Variants in OSBPL10 observed in about 807,000 individuals in gnomAD.
The protein encoded by OSBPL10 is oxysterol binding protein like 10.
OSBPL10 carries 49 observed loss-of-function variants against 81.7 expected under a neutral mutation model. That is an observed-to-expected ratio of 0.60 (90% CI 0.48 to 0.76). OSBPL10 has a LOEUF of 0.76. Ranked by LOEUF, OSBPL10 falls within the 30% of genes least tolerant of loss-of-function variation. The probability of loss-of-function intolerance (pLI) is 0.00; values close to 1 mark genes in which losing one functional copy is unlikely to be tolerated. For missense variants in OSBPL10, 923 were observed against 987.8 expected (o/e 0.93, Z 0.88); for synonymous variants, 419 against 383.6 (o/e 1.09, Z -1.08).
chr3:31,678,782 C>CTCTGTGTGTG (rs1553612966), intron 8 of OSBPL10, among the ~76,000 whole-genome samples: 2 of 135,540 alleles, frequency 1.5e-5, no homozygotes, highest in East Asian at 4.6e-4. Context: ...CAGATTCAAA[C>CTCTGTGTGTG]TGTGTGTGTG....
intron 1 of OSBPL10, among the ~76,000 whole-genome samples, chr3:32,054,558 G>A (rs1699693297): frequency 7.9e-6 from 1 of 126,834 alleles, no homozygotes; most frequent in Non-Finnish European, 1.6e-5. Context: ...TTGAGACGGA[G>A]TCTCACTCTG....
rs1478153465 is a variant in OSBPL10, at chr3:31,661,314, G to A, written c.*758C>T. The A allele has an allele frequency of 6.6e-6, 1 of 152,174 alleles. No individual in the cohort carries two copies. 9.4% of individuals were successfully genotyped at this position (152,174 alleles called of 1,614,324 possible). On this transcript the variant is annotated 3_prime_UTR_variant, in exon 12 of 12. Coordinates refer to ENST00000396556, the MANE Select transcript of OSBPL10 (RefSeq NM_017784.5). The stretch of plus-strand genomic sequence containing the variant: ...TCACAAAAGAAGTCTCCATATGATT[G>A]ACTGGTTTTCTGATGTAAAAGAAGC...
chr3:31,749,082 T>C (rs751241468), intron 4 of OSBPL10, among the ~76,000 whole-genome samples: 12 of 152,230 alleles, frequency 7.9e-5, no homozygotes, highest in Non-Finnish European at 1.8e-4. Context: ...TCCTGTTCTC[T>C]GGTCCGCTGT....
rs542691168 is a variant in OSBPL10, at chr3:31,684,190, A to C, written c.1246-76T>G. On this transcript the variant is annotated intron_variant, in intron 7 of 11. Coordinates refer to ENST00000396556, the MANE Select transcript of OSBPL10 (RefSeq NM_017784.5). The stretch of plus-strand genomic sequence containing the variant: ...AGCTGAAAAGAAAGGTAAAGGCTGC[A>C]ACCACTGTTAAGCAAATTCATAACA... 975 of 1,552,268 alleles carry C rather than the reference A, an allele frequency of 6.3e-4. 3 individuals carry two copies. Among genetic ancestry groups the C allele is most frequent in the Admixed American group, 8.0e-4 (44 of 55,000 alleles).
chr3:31,789,825 C>T (rs1698966448), intron 4 of OSBPL10, among the ~76,000 whole-genome samples: 1 of 152,120 alleles, frequency 6.6e-6, no homozygotes, highest in African/African-American at 2.4e-5. Context: ...GGACTATGCA[C>T]CAAAAATAAA....
intron 5 of OSBPL10, among the ~76,000 whole-genome samples, chr3:31,744,594 C>G (rs1575516056): frequency 6.8e-6 from 1 of 146,480 alleles, no homozygotes. Context: ...AAGTGACAGT[C>G]AAAGGTGGGA....
intron 1 of OSBPL10, among the ~76,000 whole-genome samples, chr3:31,950,896 T>G (rs900737710): frequency 3.9e-5 from 6 of 152,202 alleles, no homozygotes; most frequent in African/African-American, 1.2e-4. Context: ...CCCTGAAGCC[T>G]CACCAGAAGC....
At chr3:31,708,762 C>G (rs1297141815) in intron 6 of OSBPL10, 1 of 985,330 alleles carries the variant, frequency 1.0e-6, no homozygotes, top group African/African-American at 1.7e-5. Flanking sequence ...CTGGAAGAGT[C>G]TTTTTGGTGG....
At chr3:31,838,218 TC>T (rs951071665) in intron 3 of OSBPL10, among the ~76,000 whole-genome samples, 6 of 151,982 alleles carry the variant, frequency 3.9e-5, no homozygotes, top group African/African-American at 1.4e-4. Flanking sequence ...CTAAAAAAGC[TC>T]ATATATTGTG....
At chr3:31,884,109 G>A (rs1372189574) in intron 1 of OSBPL10, among the ~76,000 whole-genome samples, 1 of 152,182 alleles carries the variant, frequency 6.6e-6, no homozygotes, top group Non-Finnish European at 1.5e-5. Flanking sequence ...ATAAAGAAAT[G>A]AATTGAACGC....
intron 3 of OSBPL10, among the ~76,000 whole-genome samples, chr3:31,851,720 C>T (rs991202887): frequency 1.3e-5 from 2 of 152,196 alleles, no homozygotes; most frequent in Admixed American, 6.5e-5. Context: ...TGTCATGCAG[C>T]TCTCCTCTGA....
chr3:31,943,921 C>T (rs72852950), intron 1 of OSBPL10, among the ~76,000 whole-genome samples: 1,604 of 127,740 alleles, frequency 0.013, 39 homozygotes, highest in African/African-American at 0.045. Context: ...TGAGCTGAGA[C>T]TGCACCACAG....
intron 1 of OSBPL10, among the ~76,000 whole-genome samples, chr3:32,069,634 A>T (rs1453875524): frequency 6.6e-6 from 1 of 152,152 alleles, no homozygotes; most frequent in Non-Finnish European, 1.5e-5. Context: ...TGACATTAGA[A>T]AAAAGCTTTA....
chr3:31,725,823 C>T (rs1289367887), intron 6 of OSBPL10, among the ~76,000 whole-genome samples: 1 of 152,178 alleles, frequency 6.6e-6, no homozygotes, highest in South Asian at 2.1e-4. Context: ...ATGAATACTA[C>T]CAATGAACCT....
chr3:32,048,310 A>ATTTTTTTT (rs71068027), intron 1 of OSBPL10, among the ~76,000 whole-genome samples: 46 of 134,594 alleles, frequency 3.4e-4, no homozygotes, highest in African/African-American at 1.1e-3. Context: ...CACTACTACT[A>ATTTTTTTT]TTTTTTTTTT....
intron 4 of OSBPL10, among the ~76,000 whole-genome samples, chr3:31,784,646 G>T (rs930331870): frequency 6.9e-6 from 1 of 144,962 alleles, no homozygotes; most frequent in Non-Finnish European, 1.5e-5. Flanking sequence ...ACAGTGGTGC[G>T]TTCTTAGCTC....
intron 3 of OSBPL10, among the ~76,000 whole-genome samples, chr3:31,854,185 C>T (rs1057276680): frequency 2.0e-5 from 3 of 149,468 alleles, no homozygotes; most frequent in East Asian, 4.0e-4. Context: ...AGATAGCATA[C>T]AGAATGGTCT....
intron 4 of OSBPL10, among the ~76,000 whole-genome samples, chr3:31,810,755 T>C (rs896829199): frequency 2.6e-5 from 4 of 152,194 alleles, no homozygotes; most frequent in African/African-American, 7.2e-5. Context: ...CCCTAGCCAA[T>C]TGGCAAATGC....
chr3:31,964,560 T>C (rs898063504), intron 1 of OSBPL10, among the ~76,000 whole-genome samples: 16 of 152,206 alleles, frequency 1.1e-4, no homozygotes, highest in African/African-American at 3.6e-4. Context: ...AATCTTCACT[T>C]GACGAGGTAA....
Sources: allele counts gnomAD v4.1 joint callset (sites outside exome capture counted in the v4.1 genomes callset), GRCh38; gene constraint gnomAD v4.1.1; transcripts MANE v1.5; gene names NCBI Gene and HGNC (gene_info 2026-07-23, HGNC 2026-07-21).